Variants in ERC2 observed in about 807,000 individuals in gnomAD.
The protein encoded by ERC2 is ELKS/RAB6-interacting/CAST family member 2, also known as ERC protein 2.
In ERC2, 42 loss-of-function variants were observed where a neutral mutation model predicts 114.8. The ratio of observed to expected loss-of-function variants is 0.37; its 90% CI spans 0.29 to 0.47. The LOEUF (loss-of-function observed/expected upper bound fraction) is 0.47, where lower values mean the gene tolerates loss of function less well. Ranked by LOEUF, ERC2 falls within the 20% of genes least tolerant of loss-of-function variation. The pLI, the probability that ERC2 is intolerant of heterozygous loss-of-function variation, is 0.99. For missense variants in ERC2, 939 were observed against 1,150.7 expected, an observed-to-expected ratio of 0.82 and a Z score of 2.66; for synonymous variants, 454 against 425.5, an observed-to-expected ratio of 1.07 and a Z score of -0.82.
At position 55,800,609 on chromosome 3, in the gene ERC2, G is replaced by T. The variant is rs191034061; in HGVS notation, c.2565-65691C>A. On this transcript the variant is annotated intron_variant, in intron 14 of 17. Transcript: ENST00000288221. Reference sequence around the variant, plus strand: ...CCTAAGGTGACTCCACACCTCCCTCGTGTTGGAAGCACCAACTTTTCATCT... The same window carrying T: ...CCTAAGGTGACTCCACACCTCCCTCTTGTTGGAAGCACCAACTTTTCATCT... Among the ~76,000 whole-genome samples, 29 of 151,940 alleles carry T rather than the reference G, an allele frequency of 1.9e-4. No homozygotes were observed. The East Asian group carries it at 5.0e-3, about 26-fold the overall frequency.
At chr3:55,628,256 A>C (rs1200878527) in intron 17 of ERC2, among the ~76,000 whole-genome samples, 3 of 63,380 alleles carry the variant, frequency 4.7e-5, no homozygotes, top group African/African-American at 3.0e-4. Context: ...TGATATGAAC[A>C]GACCTGCATT....
chr3:56,105,969 T>C (rs2078634333), intron 6 of ERC2, among the ~76,000 whole-genome samples: 1 of 152,212 alleles, frequency 6.6e-6, no homozygotes, highest in Non-Finnish European at 1.5e-5. Flanking sequence ...GGATCTAAAC[T>C]TGGCACATGA....
chr3:55,762,046 G>A (rs1340424182), intron 14 of ERC2, among the ~76,000 whole-genome samples: 1 of 141,388 alleles, frequency 7.1e-6, no homozygotes, highest in African/African-American at 2.6e-5. Flanking sequence ...ATAATTTTAA[G>A]TTTCCTGAGG....
chr3:55,899,714 G>A (rs183020968), intron 13 of ERC2, among the ~76,000 whole-genome samples: 13 of 152,226 alleles, frequency 8.5e-5, no homozygotes, highest in Admixed American at 7.2e-4. Context: ...TATGTGTTGG[G>A]ATTTTTTTGC....
intron 14 of ERC2, among the ~76,000 whole-genome samples, chr3:55,797,108 C>G (rs1022014509): frequency 6.6e-6 from 1 of 152,246 alleles, no homozygotes; most frequent in Admixed American, 6.5e-5. Flanking sequence ...AGTGTGTACA[C>G]ATTAAGCATA....
chr3:55,712,650 A>G (rs1224418966), intron 15 of ERC2, among the ~76,000 whole-genome samples: 1 of 152,128 alleles, frequency 6.6e-6, no homozygotes, highest in Non-Finnish European at 1.5e-5. Context: ...ATCACTGGAG[A>G]TGGGAGACTC....
At chr3:56,388,000 C>T (rs750450336) in intron 2 of ERC2, among the ~76,000 whole-genome samples, 1 of 152,212 alleles carries the variant, frequency 6.6e-6, no homozygotes, top group African/African-American at 2.4e-5. Context: ...ATCTTCCATT[C>T]TATTTCTCCC....
chr3:55,994,488 C>G (rs542749386), intron 10 of ERC2, among the ~76,000 whole-genome samples: 1 of 151,790 alleles, frequency 6.6e-6, no homozygotes, highest in Admixed American at 6.6e-5. Flanking sequence ...GCCTAAAAAC[C>G]ATGAAAACTA....
chr3:55,737,160 A>T (rs1455348623), intron 14 of ERC2, among the ~76,000 whole-genome samples: 2 of 152,172 alleles, frequency 1.3e-5, no homozygotes, highest in East Asian at 3.8e-4. Flanking sequence ...TGGATCTCAG[A>T]TTATTCCCCT....
chr3:55,888,517 G>A lies in ERC2; in HGVS notation c.2436C>T (p.Thr812=), dbSNP rs2063459406. ...IEELMNALEK[T]RQELDATKAR... The stretch of plus-strand genomic sequence containing the variant: ...CTTTGGTGGCATCCAGTTCCTGTCT[G>A]GTCTTCTCCAGTGCATTCATCAGTT... The change falls in exon 14 of 18, where the codon ACC becomes ACT. Residue 812 remains threonine (T), a synonymous_variant. Transcript: ENST00000288221. 1.9e-6 allele frequency: 3 copies of A among 1,613,682 alleles called. No homozygotes were observed.
chr3:56,369,297 ACTGT>A (rs1408771170), intron 2 of ERC2, among the ~76,000 whole-genome samples: 10 of 152,344 alleles, frequency 6.6e-5, no homozygotes, highest in South Asian at 4.1e-4. Context: ...TTCTGAACAC[ACTGT>A]CTATCACTGG....
rs58377855 is a variant in ERC2, at chr3:55,539,926, A to AT, written c.*40-28651dup. 3.0e-3 allele frequency among the ~76,000 whole-genome samples: 393 copies of AT among 130,120 alleles called. 1 individual carries two copies. The highest frequency in any genetic ancestry group is 0.016 in the Middle Eastern group (4 of 250). 85.4% of individuals were successfully genotyped at this position (130,120 alleles called of 152,430 possible). ...TACTAATTTAATATATCCTGTGGGG[A>AT]TTTTTTTTTTTTTTTTGTAAACTTT... is the stretch of plus-strand genomic sequence containing the variant. On this transcript the variant is annotated intron_variant, in intron 17 of 17. Coordinates refer to ENST00000288221, the MANE Select transcript of ERC2 (RefSeq NM_015576.3).
chr3:56,215,708 C>A (rs1383736767), intron 3 of ERC2, among the ~76,000 whole-genome samples: 5 of 152,200 alleles, frequency 3.3e-5, no homozygotes, highest in Admixed American at 6.5e-5. Context: ...CAACACCACA[C>A]TGCGCTTATT....
At chr3:55,918,050 T>C (rs2065206164) in intron 13 of ERC2, among the ~76,000 whole-genome samples, 1 of 152,136 alleles carries the variant, frequency 6.6e-6, no homozygotes, top group African/African-American at 2.4e-5. Flanking sequence ...TCCTTTAGCC[T>C]GGGCCTCAGA....
chr3:55,911,595 A>G (rs1049728774), intron 13 of ERC2, among the ~76,000 whole-genome samples: 1 of 152,256 alleles, frequency 6.6e-6, no homozygotes, highest in Non-Finnish European at 1.5e-5. Context: ...ACACTTTTAG[A>G]TCCCATATTG....
At chr3:56,134,616 A>G (rs574570242) in intron 6 of ERC2, among the ~76,000 whole-genome samples, 6 of 151,446 alleles carry the variant, frequency 4.0e-5, no homozygotes, top group Non-Finnish European at 8.8e-5. Flanking sequence ...ATCTGTGTTG[A>G]TTATATTTTT....
chr3:56,094,731 A>G (rs2149791693), intron 6 of ERC2, among the ~76,000 whole-genome samples: 1 of 152,314 alleles, frequency 6.6e-6, no homozygotes, highest in East Asian at 1.9e-4. Context: ...TCAGTCCATG[A>G]ACAATAATGA....
At chr3:56,068,636 T>C (rs1292699290) in intron 7 of ERC2, among the ~76,000 whole-genome samples, 1 of 152,300 alleles carries the variant, frequency 6.6e-6, no homozygotes, top group South Asian at 2.1e-4. Context: ...GTTTTGATGT[T>C]ACAGTGTCAA....
intron 6 of ERC2, among the ~76,000 whole-genome samples, chr3:56,099,516 TC>T (rs1183158477): frequency 1.3e-5 from 2 of 152,102 alleles, no homozygotes; most frequent in Non-Finnish European, 2.9e-5. Flanking sequence ...CACAGAACTC[TC>T]CTGAAATAAT....
Sources: allele counts gnomAD v4.1 joint callset (sites outside exome capture counted in the v4.1 genomes callset), GRCh38; gene constraint gnomAD v4.1.1; transcripts MANE v1.5; gene names NCBI Gene and HGNC (gene_info 2026-07-23, HGNC 2026-07-21).